Variants in PDE4B observed in about 807,000 individuals in gnomAD.
PDE4B encodes the protein phosphodiesterase 4B.
PDE4B carries 20 observed loss-of-function variants against 82.2 expected under a neutral mutation model. The ratio of observed to expected loss-of-function variants is 0.24; its 90% CI spans 0.17 to 0.35. The LOEUF (loss-of-function observed/expected upper bound fraction) is 0.35. PDE4B is among the 10% of genes least tolerant of loss of function. The pLI is 1.00. For missense variants in PDE4B, 655 were observed against 907.2 expected, an observed-to-expected ratio of 0.72 and a Z score of 3.57; for synonymous variants, 320 against 318.9, an observed-to-expected ratio of 1.00 and a Z score of -0.04.
chr1:66,316,089 GCAGTAATT>G (rs1203603288), intron 7 of PDE4B, among the ~76,000 whole-genome samples: 1 of 152,188 alleles, frequency 6.6e-6, no homozygotes, highest in African/African-American at 2.4e-5. Flanking sequence ...TCAGAGTGTA[GCAGTAATT>G]CATTCATTCA....
chr1:66,148,940 C>T (rs540833892), intron 3 of PDE4B, among the ~76,000 whole-genome samples: 1 of 152,292 alleles, frequency 6.6e-6, no homozygotes, highest in East Asian at 1.9e-4. Flanking sequence ...TAGTTTTTGA[C>T]TATCATGAAC....
intron 1 of PDE4B, among the ~76,000 whole-genome samples, chr1:65,894,381 T>A (rs910640511): frequency 1.3e-5 from 2 of 152,148 alleles, no homozygotes; most frequent in South Asian, 2.1e-4. Flanking sequence ...TATAAAAAAA[T>A]TAACTCAAAA....
chr1:65,796,512 C>G (rs1444097940), intron 1 of PDE4B, among the ~76,000 whole-genome samples: 1 of 151,762 alleles, frequency 6.6e-6, no homozygotes, highest in Non-Finnish European at 1.5e-5. Context: ...CAGAGCCCAT[C>G]TAGTATTTTA....
chr1:66,013,805 G>T (rs1316896630), intron 3 of PDE4B, among the ~76,000 whole-genome samples: 3 of 151,792 alleles, frequency 2.0e-5, no homozygotes, highest in African/African-American at 7.3e-5. Context: ...ATTTCTTTGG[G>T]GTATATACCC....
intron 8 of PDE4B, among the ~76,000 whole-genome samples, chr1:66,352,059 C>G (rs889491703): frequency 4.6e-5 from 7 of 152,062 alleles, no homozygotes; most frequent in African/African-American, 1.7e-4. Flanking sequence ...TTCATAAGTG[C>G]TTTTTGATGA....
At chr1:66,056,996 C>T (rs1655337142) in intron 3 of PDE4B, among the ~76,000 whole-genome samples, 2 of 152,188 alleles carry the variant, frequency 1.3e-5, no homozygotes, top group Admixed American at 1.3e-4. Context: ...TACATGTGTA[C>T]ATTTCAGATT....
At chr1:66,186,401 A>G (rs1331431108) in intron 3 of PDE4B, among the ~76,000 whole-genome samples, 2 of 152,232 alleles carry the variant, frequency 1.3e-5, no homozygotes, top group African/African-American at 2.4e-5. Flanking sequence ...TGGAGATAGC[A>G]TCGAATCTAT....
chr1:65,799,421 GGGAGGACA>G (rs570648293), intron 1 of PDE4B, among the ~76,000 whole-genome samples: 493 of 152,186 alleles, frequency 3.2e-3, no homozygotes, highest in African/African-American at 0.011. Flanking sequence ...TCAATAAGTT[GGGAGGACA>G]TGATTTTTTT....
intron 7 of PDE4B, among the ~76,000 whole-genome samples, chr1:66,331,057 G>A (rs1242687018): frequency 2.0e-5 from 3 of 152,138 alleles, no homozygotes; most frequent in Non-Finnish European, 2.9e-5. Flanking sequence ...TGAAATATGC[G>A]TCTGTGGCCA....
At chr1:66,034,979 T>C (rs1468873404) in intron 3 of PDE4B, among the ~76,000 whole-genome samples, 2 of 152,148 alleles carry the variant, frequency 1.3e-5, no homozygotes, top group Admixed American at 6.6e-5. Context: ...CTTATCTCCT[T>C]GCTCTCCCAG....
At chr1:65,853,852 A>G (rs969083507) in intron 1 of PDE4B, among the ~76,000 whole-genome samples, 12 of 152,140 alleles carry the variant, frequency 7.9e-5, no homozygotes, top group Non-Finnish European at 1.6e-4. Flanking sequence ...AAGTTGTTCT[A>G]GGGAGCTTTG....
chr1:65,886,051 T>C (rs1646771980), intron 1 of PDE4B, among the ~76,000 whole-genome samples: 2 of 151,190 alleles, frequency 1.3e-5, no homozygotes, highest in African/African-American at 4.8e-5. Flanking sequence ...AGAGAGTTAG[T>C]ATGAAAAAAG....
intron 3 of PDE4B, among the ~76,000 whole-genome samples, chr1:66,162,163 T>G (rs542820703): frequency 6.6e-6 from 1 of 152,208 alleles, no homozygotes; most frequent in Non-Finnish European, 1.5e-5. Flanking sequence ...GAAACTTTTA[T>G]AGTGTAACGT....
intron 1 of PDE4B, among the ~76,000 whole-genome samples, chr1:65,868,288 A>T (rs2100284678): frequency 6.6e-6 from 1 of 152,310 alleles, no homozygotes; most frequent in Admixed American, 6.5e-5. Flanking sequence ...TATTACTACT[A>T]TGTTCCGGGC....
At chr1:66,256,580 A>ATAT (rs1462222192) in intron 4 of PDE4B, among the ~76,000 whole-genome samples, 2 of 152,230 alleles carry the variant, frequency 1.3e-5, no homozygotes. Flanking sequence ...TAAAAGTATC[A>ATAT]TATTAAATAA....
At chr1:65,976,067 G>A (rs1650392634) in intron 3 of PDE4B, among the ~76,000 whole-genome samples, 1 of 152,156 alleles carries the variant, frequency 6.6e-6, no homozygotes, top group East Asian at 1.9e-4. Flanking sequence ...TCGACAGCTT[G>A]CACCATGTGC....
intron 3 of PDE4B, among the ~76,000 whole-genome samples, chr1:66,148,688 C>A (rs758500703): frequency 8.5e-5 from 13 of 152,152 alleles, no homozygotes; most frequent in Non-Finnish European, 1.9e-4. Context: ...TAGCCCTAGG[C>A]AATACTAATC....
At chr1:66,109,960 T>C (rs1452478639) in intron 3 of PDE4B, among the ~76,000 whole-genome samples, 4 of 151,982 alleles carry the variant, frequency 2.6e-5, no homozygotes, top group Non-Finnish European at 5.9e-5. Context: ...TGTGCAGTAC[T>C]CTTAAAATAG....
At chr1:66,110,521 T>C (rs549520439) in intron 3 of PDE4B, among the ~76,000 whole-genome samples, 2 of 152,208 alleles carry the variant, frequency 1.3e-5, no homozygotes, top group African/African-American at 4.8e-5. Context: ...TCCTGGCACA[T>C]AGTAAATACC....
Sources: allele counts gnomAD v4.1 joint callset (sites outside exome capture counted in the v4.1 genomes callset), GRCh38; gene constraint gnomAD v4.1.1; transcripts MANE v1.5; gene names NCBI Gene and HGNC (gene_info 2026-07-23, HGNC 2026-07-21).